The following MYH4 variants were observed in gnomAD, a reference collection of about 807,000 sequenced individuals.
MYH4 encodes the protein myosin-4.
Under a neutral mutation model 229.9 loss-of-function variants are expected in MYH4, and 200 were observed. That is an observed-to-expected ratio of 0.87 (90% confidence interval 0.78 to 0.98). The LOEUF (loss-of-function observed/expected upper bound fraction) is 0.98, where lower values mean the gene tolerates loss of function less well. Ranked by LOEUF, MYH4 falls within the 50% of genes least tolerant of loss-of-function variation. MYH4 has a pLI of 0.00. For synonymous variants in MYH4, 761 were observed against 834.6 expected (o/e 0.91, Z 1.52); for missense variants, 2,148 against 2,332.6 (o/e 0.92, Z 1.63).
intron 11 of MYH4, 72 bp from the exon 12 acceptor site, chr17:10,461,126 C>T: frequency 2.6e-6 from 4 of 1,559,032 alleles, no homozygotes; most frequent in Non-Finnish European, 3.5e-6. Flanking sequence ...CCGGGGCTGT[C>T]TCCCACTTTT....
intron 15 of MYH4, 125 bp downstream of exon 15, chr17:10,459,126 A>G: frequency 6.7e-7 from 1 of 1,487,176 alleles, no homozygotes; most frequent in Non-Finnish European, 9.2e-7. Context: ...CTCACAACCA[A>G]TCAGAATATA....
chr17:10,468,195 T>C (rs2072787253), intron 2 of MYH4, among the ~76,000 whole-genome samples: 1 of 152,244 alleles, frequency 6.6e-6, no homozygotes, highest in African/African-American at 2.4e-5. Flanking sequence ...GTTTCTGTGT[T>C]TGTTTTTACA....
chr17:10,467,158 TG>T (rs1463652389), intron 2 of MYH4, among the ~76,000 whole-genome samples: 2 of 152,218 alleles, frequency 1.3e-5, no homozygotes, highest in African/African-American at 4.8e-5. Flanking sequence ...AACATCGTGA[TG>T]ATACAAAGAA....
chr17:10,452,535 A>T, intron 25 of MYH4, 29 bp from the exon 26 acceptor site: 2 of 1,597,776 alleles, frequency 1.3e-6, no homozygotes, highest in South Asian at 2.2e-5. Flanking sequence ...ATTAGCTTAT[A>T]ATCACTTCTC....
At position 10,448,081 on chromosome 17, in the gene MYH4, C is replaced by T; in HGVS notation, c.4702G>A (p.Glu1568Lys). Residue 1568 changes from glutamate to lysine, a missense_variant, in exon 34 of 40, where the codon GAG (glutamate) becomes AAG (lysine). Transcript: ENST00000255381. ...ATCTCAGATTTCACCTGATTTAGCT[C>T]AAGTTGAATGCGAAGAATTTTGCCT... ...EEGKILRIQL[E>K]LNQVKSEIDR... The T allele has an allele frequency of 2.5e-6, 4 of 1,613,960 alleles. No homozygotes were observed. The highest frequency in any genetic ancestry group is 3.4e-6 in the Non-Finnish European group (4 of 1,179,980).
intron 39 of MYH4, among the ~76,000 whole-genome samples, chr17:10,444,329 G>A (rs2072487141): frequency 6.6e-6 from 1 of 152,136 alleles, no homozygotes; most frequent in African/African-American, 2.4e-5. Context: ...GGGGGTTGTA[G>A]AATGTTCTAG....
At chr17:10,458,290 G>T (rs2072663562) in intron 15 of MYH4, among the ~76,000 whole-genome samples, 1 of 152,114 alleles carries the variant, frequency 6.6e-6, no homozygotes, top group Admixed American at 6.5e-5. Flanking sequence ...AAGACTGAAA[G>T]AAAATTCAAC....
chr17:10,446,019 C>G (rs1279274469), intron 35 of MYH4, among the ~76,000 whole-genome samples: 1 of 105,642 alleles, frequency 9.5e-6, no homozygotes, highest in African/African-American at 3.8e-5. Context: ...CAGAGTGAGA[C>G]CCCTTCTCAA....
In MYH4 at chr17:10,447,527, T is replaced by A. The variant is rs1229960389; in HGVS notation, c.4965+291A>T. Reference sequence around the variant, plus strand: ...TATTTTACATATTAAGCAAATGAAGTCCAGATTAATGAAGTGATTTAAGCA... The same window carrying A: ...TATTTTACATATTAAGCAAATGAAGACCAGATTAATGAAGTGATTTAAGCA... On this transcript the variant is annotated intron_variant, in intron 34 of 39. Coordinates refer to ENST00000255381, the MANE Select transcript of MYH4 (RefSeq NM_017533.2). 2.6e-5 allele frequency among the ~76,000 whole-genome samples: 4 copies of A among 152,148 alleles called. No homozygotes were observed. In the East Asian group the frequency reaches 5.8e-4, roughly 22 times the overall value.
Position 10,463,606 on chromosome 17 carries a change from AG to A in MYH4, c.685del (p.Leu229TyrfsTer11), listed in dbSNP as rs372204896. 333 of 1,613,804 alleles carry A rather than the reference AG, an allele frequency of 2.1e-4. 5 individuals carry two copies. In the Middle Eastern group the frequency reaches 7.6e-3, roughly 37 times the overall value. ...LEDQIISANP[L>X]LEAFGNAKTV... is the part of the protein sequence containing the mutation. Reference sequence around the variant, plus strand: ...CTTGGCATTGCCGAAGGCTTCCAGTAGGGGGTTAGCACTGATGATTTGATCT... The same window carrying A: ...CTTGGCATTGCCGAAGGCTTCCAGTAGGGGTTAGCACTGATGATTTGATCT... On this transcript the variant is annotated frameshift_variant, in exon 8 of 40. Transcript: ENST00000255381. LOFTEE classifies it high-confidence loss of function.
At chr17:10,464,353 G>T (rs1567706903) in intron 7 of MYH4, 119 bp downstream of exon 7, 3 of 836,338 alleles carry the variant, frequency 3.6e-6, no homozygotes, top group Non-Finnish European at 1.8e-6. Flanking sequence ...CTTTTTTAAG[G>T]CTGCATAGTA....
chr17:10,455,493 T>C, intron 19 of MYH4, 121 bp downstream of exon 19: 1 of 1,409,502 alleles, frequency 7.1e-7, no homozygotes, highest in Non-Finnish European at 9.7e-7. Context: ...CTTCTTTCTT[T>C]TATGATCAAT....
rs1219420057 is a variant in MYH4 at position 10,444,876 on chromosome 17, C to T, written c.5490G>A (p.Val1830=). The T allele has an allele frequency of 6.2e-7, 1 of 1,613,948 alleles. No individual in the cohort carries two copies. The highest frequency in any genetic ancestry group is 1.3e-5 in the African/African-American group (1 of 74,896). ...CAACATTGTGCTTCTGTTCACTTTC[C>T]ACCTCACTTTCAAGCTCTCTCACCT... The part of the protein sequence containing the change: ...EARVRELESE[V]ESEQKHNVEA... Residue 1830 remains valine (V), a synonymous_variant, in exon 38 of 40, where the codon GTG becomes GTA. Transcript: ENST00000255381.
intron 24 of MYH4, 49 bp downstream of exon 24, chr17:10,453,103 C>T (rs2072596238): frequency 6.2e-7 from 1 of 1,610,988 alleles, no homozygotes; most frequent in Non-Finnish European, 8.5e-7. Flanking sequence ...TTTCATGTCA[C>T]AATTGTTTAT....
intron 22 of MYH4, among the ~76,000 whole-genome samples, 160 bp from the exon 23 acceptor site, chr17:10,454,045 C>G (rs2072609395): frequency 6.6e-6 from 1 of 152,206 alleles, no homozygotes; most frequent in African/African-American, 2.4e-5. Context: ...ATACTGTTAT[C>G]TACTGATCAA....
At chr17:10,460,857 C>T in intron 12 of MYH4, 59 bp downstream of exon 12, 2 of 1,593,342 alleles carry the variant, frequency 1.3e-6, no homozygotes, top group Non-Finnish European at 1.7e-6. Flanking sequence ...CGGTCCCTGC[C>T]TCTGAAAAGT....
In MYH4 at chr17:10,463,099, C is replaced by G. The variant is rs1265540400; in HGVS notation, c.895G>C (p.Glu299Gln). 1.2e-6 allele frequency: 2 copies of G among 1,611,068 alleles called. No homozygotes were observed. Among genetic ancestry groups the G allele is most frequent in the Non-Finnish European group, 1.7e-6 (2 of 1,177,722 alleles). The change falls in exon 10 of 40, where the codon GAG (glutamate) becomes CAG (glutamine). Residue 299 changes from glutamate to glutamine, a missense_variant. Glu to Gln is a conservative substitution (Grantham distance 29). Transcript: ENST00000255381. ...FYQILSNKKP[E>Q]LIEMLLITTN... ...CAAAGATGTGTCTTACCAATGAGCT[C>G]TGGTTTCTTATTGGACAGGATTTGA... is the stretch of plus-strand genomic sequence containing the variant.
chr17:10,449,500 C>G (rs1355479635), intron 30 of MYH4, among the ~76,000 whole-genome samples: 3 of 152,114 alleles, frequency 2.0e-5, no homozygotes, highest in Non-Finnish European at 4.4e-5. Context: ...TGGAAAAGGG[C>G]TGAGTTTTAT....
At chr17:10,450,330 C>A in intron 30 of MYH4, 123 bp downstream of exon 30, 5 of 1,486,876 alleles carry the variant, frequency 3.4e-6, no homozygotes, top group Non-Finnish European at 4.6e-6. Flanking sequence ...ATCCACCAAC[C>A]TATAATAAAA....
Sources: gnomAD v4.1 joint callset for allele counts (sites outside exome capture counted in the v4.1 genomes callset) on GRCh38, gnomAD v4.1.1 for gene constraint, MANE v1.5 for transcripts, NCBI Gene and HGNC (gene_info 2026-07-23, HGNC 2026-07-21) for gene names.